The following DENND1A variants were observed in gnomAD, a reference collection of about 807,000 sequenced individuals.
DENND1A encodes DENN domain containing 1A, also known as DENN domain-containing protein 1A.
A neutral mutation model predicts 113.7 loss-of-function variants in DENND1A; 51 were observed. That is an observed-to-expected ratio of 0.45 (90% CI 0.36 to 0.57). The LOEUF (loss-of-function observed/expected upper bound fraction) is 0.57. Ranked by LOEUF, DENND1A falls within the 20% of genes least tolerant of loss-of-function variation. DENND1A has a pLI of 0.00. For missense variants in DENND1A, 1,258 were observed against 1,395.9 expected (o/e 0.90, Z 1.57); for synonymous variants, 565 against 570.8 (o/e 0.99, Z 0.14).
intron 2 of DENND1A, among the ~76,000 whole-genome samples, chr9:123,809,762 CT>C (rs1346838677): frequency 6.6e-6 from 1 of 152,190 alleles, no homozygotes; most frequent in Non-Finnish European, 1.5e-5. Flanking sequence ...CCTCCACCCC[CT>C]GAGTTCCAGC....
intron 3 of DENND1A, among the ~76,000 whole-genome samples, chr9:123,770,657 AT>A (rs1174330323): frequency 5.3e-5 from 8 of 152,212 alleles, no homozygotes; most frequent in Non-Finnish European, 1.2e-4. Context: ...CTTTTTAACT[AT>A]TTAAAATCCC....
At chr9:123,758,681 A>G (rs1196754524) in intron 4 of DENND1A, among the ~76,000 whole-genome samples, 2 of 152,234 alleles carry the variant, frequency 1.3e-5, no homozygotes, top group African/African-American at 4.8e-5. Context: ...GAAAGACGTT[A>G]AAGGAAAAAA....
chr9:123,483,126 G>A (rs976212034), intron 13 of DENND1A, among the ~76,000 whole-genome samples: 3 of 152,284 alleles, frequency 2.0e-5, no homozygotes, highest in Non-Finnish European at 4.4e-5. Context: ...GGAGACAAGA[G>A]TTGACTTGGA....
chr9:123,634,702 A>G (rs1293808259), intron 9 of DENND1A, among the ~76,000 whole-genome samples: 1 of 152,262 alleles, frequency 6.6e-6, no homozygotes, highest in Non-Finnish European at 1.5e-5. Context: ...ATGGAAAGAT[A>G]GTATGTGTAA....
chr9:123,859,876 G>A lies in DENND1A; in HGVS notation c.88+19075C>T, dbSNP rs603389. The stretch of plus-strand genomic sequence containing the variant: ...AGTGGACTAAGATGAAGCTGGATAG[G>A]GAAAGGATGGAGCATGGAAGACCTC... On this transcript the variant is annotated intron_variant, in intron 2 of 23. Transcript: ENST00000394215. Among the ~76,000 whole-genome samples the A allele has an allele frequency of 3.7e-3, 558 of 152,240 alleles. 2 individuals are homozygous for A. The highest frequency in any genetic ancestry group is 0.013 in the African/African-American group (525 of 41,532).
intron 5 of DENND1A, among the ~76,000 whole-genome samples, chr9:123,694,055 C>T (rs984178240): frequency 3.3e-5 from 5 of 151,486 alleles, no homozygotes; most frequent in Admixed American, 6.6e-5. Context: ...AGGATGGTCT[C>T]GATCTCTTGA....
Position 123,671,297 on chromosome 9 carries a change from G to C in DENND1A, c.447C>G (p.Leu149=), listed in dbSNP as rs1184596380. The change falls in exon 7 of 24, where the codon CTC becomes CTG. Residue 149 remains leucine, a synonymous_variant. Transcript: ENST00000394215. ...PIPDPGVSVH[L]SVHSYFTVPD... is the part of the protein sequence containing the mutation. ...AATACTCCGCCCCACTTACCACGCT[G>C]AGATGGACAGACACTCCTGGGTCAG... 6.2e-7 allele frequency: 1 copy of C among 1,613,950 alleles called. No homozygotes were observed. Among genetic ancestry groups the C allele is most frequent in the Non-Finnish European group, 8.5e-7 (1 of 1,180,002 alleles).
At chr9:123,799,117 GATGTATCAT>G (rs2132182574) in intron 2 of DENND1A, among the ~76,000 whole-genome samples, 1 of 152,228 alleles carries the variant, frequency 6.6e-6, no homozygotes, top group South Asian at 2.1e-4. Context: ...TTCATAAATA[GATGTATCAT>G]ATGTGTCAAA....
At chr9:123,455,432 T>A (rs2048043174) in intron 15 of DENND1A, among the ~76,000 whole-genome samples, 1 of 152,198 alleles carries the variant, frequency 6.6e-6, no homozygotes, top group African/African-American at 2.4e-5. Flanking sequence ...TAAACCAGCA[T>A]CCTCGCAGGC....
intron 13 of DENND1A, among the ~76,000 whole-genome samples, chr9:123,506,286 C>T (rs1365263096): frequency 1.3e-5 from 2 of 152,028 alleles, no homozygotes; most frequent in African/African-American, 4.8e-5. Flanking sequence ...ACGGAGTAAG[C>T]ACTATTTAAG....
chr9:123,457,953 T>G (rs2048262177), intron 13 of DENND1A, 56 bp from the exon 14 acceptor site: 1 of 1,375,468 alleles, frequency 7.3e-7, no homozygotes. Flanking sequence ...AGCCATCAGT[T>G]TTGAAATTCC....
intron 13 of DENND1A, among the ~76,000 whole-genome samples, chr9:123,478,620 G>GACTT (rs1302011360): frequency 6.6e-6 from 1 of 152,216 alleles, no homozygotes; most frequent in Non-Finnish European, 1.5e-5. Context: ...TGATGTCTGT[G>GACTT]ACTTACTCAG....
intron 15 of DENND1A, among the ~76,000 whole-genome samples, chr9:123,456,011 T>C (rs2048091877): frequency 6.6e-6 from 1 of 152,216 alleles, no homozygotes; most frequent in African/African-American, 2.4e-5. Context: ...AGGGCAGAAC[T>C]GGGTCCTCCG....
intron 13 of DENND1A, among the ~76,000 whole-genome samples, chr9:123,524,660 G>A (rs1030625612): frequency 4.6e-5 from 7 of 152,202 alleles, no homozygotes; most frequent in Non-Finnish European, 1.0e-4. Flanking sequence ...GAACCAGGGC[G>A]GTCTTCCCGA....
At chr9:123,482,387 C>T (rs566797019) in intron 13 of DENND1A, among the ~76,000 whole-genome samples, 15 of 152,306 alleles carry the variant, frequency 9.8e-5, no homozygotes, top group Admixed American at 2.6e-4. Context: ...CGTGAACCAC[C>T]GCACCCGGCC....
intron 21 of DENND1A, among the ~76,000 whole-genome samples, chr9:123,390,360 C>T (rs1343653534): frequency 6.6e-6 from 1 of 152,206 alleles, no homozygotes; most frequent in African/African-American, 2.4e-5. Flanking sequence ...AAAAGTGCTC[C>T]CCCTCTGGGC....
chr9:123,632,215 T>TC (rs1209338026), intron 9 of DENND1A, among the ~76,000 whole-genome samples: 50 of 152,152 alleles, frequency 3.3e-4, no homozygotes, highest in African/African-American at 1.1e-3. Context: ...CCTGACTCTT[T>TC]CCTCCAGACC....
intron 21 of DENND1A, chr9:123,401,637 A>C: frequency 2.1e-6 from 3 of 1,443,732 alleles, no homozygotes; most frequent in Non-Finnish European, 2.7e-6. Flanking sequence ...TTCCAACAGA[A>C]GTAGAAAACA....
intron 5 of DENND1A, among the ~76,000 whole-genome samples, chr9:123,698,005 T>G (rs527472642): frequency 6.6e-6 from 1 of 152,342 alleles, no homozygotes; most frequent in South Asian, 2.1e-4. Context: ...ATGCAAAAGA[T>G]AGGCAGACCT....
Sources: gnomAD v4.1 joint callset for allele counts (sites outside exome capture counted in the v4.1 genomes callset) on GRCh38, gnomAD v4.1.1 for gene constraint, MANE v1.5 for transcripts, NCBI Gene and HGNC (gene_info 2026-07-23, HGNC 2026-07-21) for gene names.